The following SEC11A variants were observed in gnomAD, a reference collection of about 807,000 sequenced individuals.
The protein encoded by SEC11A is signal peptidase complex catalytic subunit SEC11A.
In SEC11A, 14 loss-of-function variants were observed where a neutral mutation model predicts 25.6. The ratio of observed to expected loss-of-function variants is 0.55; its 90% CI spans 0.36 to 0.85. The LOEUF is 0.85. Among genes scored for constraint, SEC11A ranks in the 40% least tolerant of loss-of-function variants. The pLI is 0.01. For synonymous variants in SEC11A, 83 were observed against 76.4 expected (o/e 1.09, Z -0.45); for missense variants, 153 against 222.9 (o/e 0.69, Z 2.00).
intron 1 of SEC11A, among the ~76,000 whole-genome samples, chr15:84,698,582 T>A (rs1180469596): frequency 2.6e-5 from 4 of 152,242 alleles, no homozygotes; most frequent in African/African-American, 9.6e-5. Flanking sequence ...CTGGAATGAA[T>A]CTTAAATGAT....
intron 3 of SEC11A, among the ~76,000 whole-genome samples, chr15:84,683,139 G>A (rs1366320488): frequency 1.3e-5 from 2 of 152,150 alleles, no homozygotes; most frequent in Non-Finnish European, 2.9e-5. Context: ...TTCAGTAAGT[G>A]AAAAAAGGAA....
chr15:84,707,792 T>TA (rs200527873), intron 1 of SEC11A, among the ~76,000 whole-genome samples: 4 of 151,996 alleles, frequency 2.6e-5, no homozygotes, highest in South Asian at 2.1e-4. Flanking sequence ...GAGAATGTTA[T>TA]AAAAAAAATA....
chr15:84,692,727 A>G (rs1897647538), intron 1 of SEC11A, among the ~76,000 whole-genome samples: 1 of 152,244 alleles, frequency 6.6e-6, no homozygotes, highest in African/African-American at 2.4e-5. Flanking sequence ...TAGTTCAAGG[A>G]AAAAGCTGGT....
At chr15:84,671,138 C>G (rs1437847570) in intron 4 of SEC11A, 1 of 163,346 alleles carries the variant, frequency 6.1e-6, no homozygotes, top group African/African-American at 2.4e-5. Context: ...AGCTGTCAAT[C>G]TAGCTGGGGA....
At chr15:84,692,448 C>A (rs1897639348) in intron 1 of SEC11A, among the ~76,000 whole-genome samples, 2 of 152,170 alleles carry the variant, frequency 1.3e-5, no homozygotes, top group Non-Finnish European at 2.9e-5. Context: ...GGAGACTTCA[C>A]CAAGTCCTAA....
chr15:84,682,419 G>A (rs1275159831), intron 3 of SEC11A, among the ~76,000 whole-genome samples: 2 of 151,862 alleles, frequency 1.3e-5, no homozygotes, highest in Admixed American at 1.3e-4. Context: ...ATATGCCAGG[G>A]TTTACAGGAA....
At chr15:84,691,913 T>A (rs1348691509) in intron 1 of SEC11A, 3 of 247,714 alleles carry the variant, frequency 1.2e-5, no homozygotes, top group East Asian at 1.6e-4. Flanking sequence ...TTCACACAAG[T>A]TATTTCATTT....
chr15:84,685,958 A>C (rs1897411182), intron 3 of SEC11A: 1 of 151,884 alleles, frequency 6.6e-6, no homozygotes, highest in Non-Finnish European at 1.5e-5. Context: ...GCCCACCACC[A>C]CGCCTGGCTA....
In SEC11A at chr15:84,708,387, A is replaced by G. The variant is rs182459847; in HGVS notation, c.51+7638T>C. On this transcript the variant is annotated intron_variant, in intron 1 of 5. Transcript: ENST00000268220. The stretch of plus-strand genomic sequence containing the variant: ...CTGCCAGTAATAAAGATTTTCCTGA[A>G]CCTAAATAAGACCAGATTACTTTTC... 7.2e-5 allele frequency among the ~76,000 whole-genome samples: 11 copies of G among 152,046 alleles called. No homozygotes were observed. In the East Asian group the frequency reaches 2.1e-3, roughly 29 times the overall value.
chr15:84,686,961 C>T (rs1360060190), intron 3 of SEC11A: 2 of 152,324 alleles, frequency 1.3e-5, no homozygotes, highest in African/African-American at 4.8e-5. Context: ...CAACCTCCAC[C>T]TCCCAGGTTC....
chr15:84,701,343 G>A (rs1897935603), intron 1 of SEC11A, among the ~76,000 whole-genome samples: 2 of 150,732 alleles, frequency 1.3e-5, no homozygotes, highest in African/African-American at 4.9e-5. Context: ...TTTTGAGATG[G>A]AGTTTTGCTC....
chr15:84,670,447 C>T (rs1381100788), intron 5 of SEC11A: 2 of 275,972 alleles, frequency 7.2e-6, no homozygotes, highest in African/African-American at 4.5e-5. Context: ...TCATATTGAC[C>T]AGGCTGTTCT....
intron 1 of SEC11A, among the ~76,000 whole-genome samples, chr15:84,696,175 G>A (rs747674665): frequency 8.5e-5 from 13 of 152,156 alleles, no homozygotes; most frequent in Admixed American, 2.6e-4. Flanking sequence ...ACATTTACAG[G>A]TAAGGAAACT....
rs1254866911 is a variant in SEC11A at position 84,715,138 on chromosome 15, C to A, written c.51+887G>T. On this transcript the variant is annotated intron_variant, in intron 1 of 5. Coordinates refer to ENST00000268220, the MANE Select transcript of SEC11A (RefSeq NM_014300.4). ...CTTCCCTAAGTGGCAGTTATAAGTA[C>A]AAAAAATGCAAGTCCAAGGAAAAAA... Among the ~76,000 whole-genome samples the A allele has an allele frequency of 3.3e-5, 5 of 151,556 alleles. No homozygotes were observed. The East Asian group carries it at 7.8e-4, about 24-fold the overall frequency.
At chr15:84,695,312 A>T (rs190999800) in intron 1 of SEC11A, among the ~76,000 whole-genome samples, 1 of 151,056 alleles carries the variant, frequency 6.6e-6, no homozygotes, top group African/African-American at 2.4e-5. Context: ...AAAAATACAA[A>T]ATTAGCTGGG....
In SEC11A at chr15:84,679,983, G is replaced by C. The variant is rs551745121; in HGVS notation, c.431+730C>G. 53 of 1,508,116 alleles carry C rather than the reference G, an allele frequency of 3.5e-5. No individual in the cohort carries two copies. The African/African-American group carries it at 7.0e-4, about 20-fold the overall frequency. 93.4% of individuals were successfully genotyped at this position (1,508,116 alleles called of 1,614,324 possible). A position where few individuals can be genotyped will look rare whatever the true frequency, so the allele number is the denominator to read the frequency against. On this transcript the variant is annotated intron_variant, in intron 4 of 5. Coordinates refer to ENST00000268220, the MANE Select transcript of SEC11A (RefSeq NM_014300.4). ...TCCTGATAAAATCTGAAACAAACAG[G>C]CTTAATATAACTTTTTAATTTCATT...
rs556571142 is a variant in SEC11A, at chr15:84,691,037, T to A, written c.161+498A>T. On this transcript the variant is annotated intron_variant, in intron 2 of 5. Coordinates refer to ENST00000268220, the MANE Select transcript of SEC11A (RefSeq NM_014300.4). ...GTCATGAGCCCTTTGGAGTTCTGAA[T>A]GGAAATGCCTAACAAAGTAAGAATT... Among the ~76,000 whole-genome samples the A allele has an allele frequency of 2.8e-4, 42 of 151,354 alleles. No homozygotes were observed. In the South Asian group the frequency reaches 4.0e-3, roughly 14 times the overall value.
rs572548164 is a variant in SEC11A, at chr15:84,676,445, C to G, written c.431+4268G>C. On this transcript the variant is annotated intron_variant, in intron 4 of 5. Transcript: ENST00000268220. Reference sequence around the variant, plus strand: ...TTGCATGGGCAACAAGAGTGAAACTCTGTCTCAAAAAAAAAAAAATTTTTT... The same window carrying G: ...TTGCATGGGCAACAAGAGTGAAACTGTGTCTCAAAAAAAAAAAAATTTTTT... 2.4e-4 allele frequency among the ~76,000 whole-genome samples: 35 copies of G among 146,790 alleles called. 2 individuals carry two copies. In the South Asian group the frequency reaches 7.3e-3, roughly 31 times the overall value.
At chr15:84,704,822 A>G (rs1596082737) in intron 1 of SEC11A, among the ~76,000 whole-genome samples, 1 of 152,136 alleles carries the variant, frequency 6.6e-6, no homozygotes, top group South Asian at 2.1e-4. Flanking sequence ...CAGGCTTGGG[A>G]GGGGTTTGGG....
Sources: allele counts gnomAD v4.1 joint callset (sites outside exome capture counted in the v4.1 genomes callset), GRCh38; gene constraint gnomAD v4.1.1; transcripts MANE v1.5; gene names NCBI Gene and HGNC (gene_info 2026-07-23, HGNC 2026-07-21).